The following ADARB2 variants were observed in gnomAD, a reference collection of about 807,000 sequenced individuals.
The protein encoded by ADARB2 is inactive double-stranded RNA-specific editase B2.
In ADARB2, 25 loss-of-function variants were observed where a neutral mutation model predicts 62.2. The observed-to-expected ratio is 0.40, with a 90% CI of 0.29 to 0.56. The LOEUF is 0.56. Among genes scored for constraint, ADARB2 ranks in the 20% least tolerant of loss-of-function variants. ADARB2 has a pLI of 0.43. For missense variants in ADARB2, 1,071 were observed against 1,077.4 expected, an observed-to-expected ratio of 0.99 and a Z score of 0.08; for synonymous variants, 572 against 500.8, an observed-to-expected ratio of 1.14 and a Z score of -1.90.
intron 1 of ADARB2, among the ~76,000 whole-genome samples, chr10:1,409,367 C>T (rs1832735776): frequency 6.6e-6 from 1 of 152,270 alleles, no homozygotes; most frequent in African/African-American, 2.4e-5. Context: ...TGTTTCATCT[C>T]TGTGGCCACC....
intron 7 of ADARB2, among the ~76,000 whole-genome samples, chr10:1,208,451 C>T (rs1403695168): frequency 2.0e-5 from 3 of 152,222 alleles, no homozygotes; most frequent in African/African-American, 7.2e-5. Context: ...CTGGGTGTGT[C>T]TGTCCCTGGC....
intron 1 of ADARB2, among the ~76,000 whole-genome samples, chr10:1,588,786 C>T (rs1404302859): frequency 6.6e-6 from 1 of 152,154 alleles, no homozygotes; most frequent in East Asian, 1.9e-4. Context: ...TGCTTTGACA[C>T]AAATTCATGA....
intron 3 of ADARB2, chr10:1,361,558 C>G (rs372411362): frequency 8.5e-5 from 13 of 152,218 alleles, no homozygotes; most frequent in East Asian, 5.8e-4. Flanking sequence ...TCCCGAGAGG[C>G]AGAAGGCAGG....
chr10:1,218,137 G>A (rs559661893), intron 6 of ADARB2, among the ~76,000 whole-genome samples: 1 of 152,152 alleles, frequency 6.6e-6, no homozygotes, highest in South Asian at 2.1e-4. Context: ...TGCAACCTCC[G>A]CCTCCCAGGT....
chr10:1,282,143 G>A (rs1452130917), intron 3 of ADARB2, among the ~76,000 whole-genome samples: 1 of 152,196 alleles, frequency 6.6e-6, no homozygotes, highest in Non-Finnish European at 1.5e-5. Flanking sequence ...AGGAAGTGGA[G>A]TTAGAATGGG....
chr10:1,485,133 TGTAG>T (rs1831524175), intron 1 of ADARB2, among the ~76,000 whole-genome samples: 1 of 152,042 alleles, frequency 6.6e-6, no homozygotes, highest in Non-Finnish European at 1.5e-5. Context: ...TGTGTAGGTA[TGTAG>T]GTGGATTAGT....
At chr10:1,403,126 T>G (rs751373276) in intron 1 of ADARB2, among the ~76,000 whole-genome samples, 7 of 152,218 alleles carry the variant, frequency 4.6e-5, no homozygotes, top group Non-Finnish European at 1.0e-4. Flanking sequence ...AAAGGCCGGC[T>G]GCTGCCTCCA....
intron 1 of ADARB2, among the ~76,000 whole-genome samples, chr10:1,540,340 A>G (rs945823461): frequency 2.1e-5 from 3 of 139,724 alleles, no homozygotes; most frequent in East Asian, 3.9e-4. Flanking sequence ...AGGGCACGTC[A>G]GGCAACAGCC....
At chr10:1,275,776 A>C (rs1831310707) in intron 3 of ADARB2, among the ~76,000 whole-genome samples, 1 of 150,790 alleles carries the variant, frequency 6.6e-6, no homozygotes, top group Non-Finnish European at 1.5e-5. Context: ...TTGACTTTGC[A>C]ATAGTTTGCT....
intron 7 of ADARB2, among the ~76,000 whole-genome samples, chr10:1,203,903 C>T (rs901299749): frequency 2.6e-5 from 4 of 152,142 alleles, no homozygotes; most frequent in African/African-American, 9.7e-5. Context: ...GGCTGCACCC[C>T]GGAGCTGCTG....
At chr10:1,215,672 G>C (rs1283730694) in intron 7 of ADARB2, 2 of 152,272 alleles carry the variant, frequency 1.3e-5, no homozygotes, top group African/African-American at 4.8e-5. Flanking sequence ...AGGACGACCA[G>C]AGTGTCCAAG....
At chr10:1,315,913 C>T (rs1366772432) in intron 3 of ADARB2, among the ~76,000 whole-genome samples, 1 of 152,198 alleles carries the variant, frequency 6.6e-6, no homozygotes, top group Non-Finnish European at 1.5e-5. Flanking sequence ...ACATTTTCCT[C>T]TGATCTTTAA....
chr10:1,632,620 G>C (rs1833857420), intron 1 of ADARB2, among the ~76,000 whole-genome samples: 1 of 152,198 alleles, frequency 6.6e-6, no homozygotes, highest in African/African-American at 2.4e-5. Flanking sequence ...GACTAGAGGG[G>C]AAATAACTGC....
At chr10:1,212,315 A>G (rs1200246605) in intron 7 of ADARB2, among the ~76,000 whole-genome samples, 1 of 152,266 alleles carries the variant, frequency 6.6e-6, no homozygotes, top group East Asian at 1.9e-4. Flanking sequence ...TGGAATCATT[A>G]GCATAACATA....
intron 1 of ADARB2, among the ~76,000 whole-genome samples, chr10:1,653,733 C>G (rs1834143274): frequency 6.6e-6 from 1 of 152,212 alleles, no homozygotes; most frequent in East Asian, 1.9e-4. Context: ...TTAAATTTCC[C>G]TGAATTTAGG....
At chr10:1,460,005 C>T (rs1831149643) in intron 1 of ADARB2, among the ~76,000 whole-genome samples, 1 of 94,884 alleles carries the variant, frequency 1.1e-5, no homozygotes, top group African/African-American at 3.6e-5. Flanking sequence ...CCTGAGTTTA[C>T]CTGCGTAACA....
At position 1,177,981 on chromosome 10, in the gene ADARB2, T is replaced by C. The variant is rs986132494; in HGVS notation, c.*5212A>G. On this transcript the variant is annotated 3_prime_UTR_variant, in exon 10 of 10. Transcript: ENST00000381312. Reference sequence around the variant, plus strand: ...CATAAGCCGGTCTCAAAAAAGTAAATAGATCTCTAGAGATGTGGCCACCAG... The same window carrying C: ...CATAAGCCGGTCTCAAAAAAGTAAACAGATCTCTAGAGATGTGGCCACCAG... 1 of 152,014 alleles carries C rather than the reference T, an allele frequency of 6.6e-6. No homozygotes were observed. The highest frequency in any genetic ancestry group is 1.5e-5 in the Non-Finnish European group (1 of 68,006). 9.4% of individuals were successfully genotyped at this position (152,014 alleles called of 1,614,324 possible). A position where few individuals can be genotyped will look rare whatever the true frequency, so the allele number is the denominator to read the frequency against.
intron 1 of ADARB2, among the ~76,000 whole-genome samples, chr10:1,653,138 G>A (rs963217456): frequency 7.9e-5 from 12 of 152,212 alleles, no homozygotes; most frequent in African/African-American, 2.7e-4. Flanking sequence ...ACCTTCCCAC[G>A]GAGGTGACTT....
chr10:1,300,339 A>G (rs1831561971), intron 3 of ADARB2, among the ~76,000 whole-genome samples: 3 of 148,210 alleles, frequency 2.0e-5, no homozygotes, highest in East Asian at 4.2e-4. Context: ...CTGTTCCTAC[A>G]GTGACGGCTG....
Sources: allele counts gnomAD v4.1 joint callset (sites outside exome capture counted in the v4.1 genomes callset), GRCh38; gene constraint gnomAD v4.1.1; transcripts MANE v1.5; gene names NCBI Gene and HGNC (gene_info 2026-07-23, HGNC 2026-07-21).